Variants in ANKRD13C observed in about 807,000 individuals in gnomAD.
ANKRD13C encodes ankyrin repeat domain-containing protein 13C.
Under a neutral mutation model 65.5 loss-of-function variants are expected in ANKRD13C, and 16 were observed. That is an observed-to-expected ratio of 0.24 (90% CI 0.17 to 0.37). The LOEUF (loss-of-function observed/expected upper bound fraction) is 0.37, where lower values mean the gene tolerates loss of function less well. Among genes scored for constraint, ANKRD13C ranks in the 10% least tolerant of loss-of-function variants. The probability of loss-of-function intolerance (pLI) is 1.00; values close to 1 mark genes in which losing one functional copy is unlikely to be tolerated. For missense variants in ANKRD13C, 503 were observed against 655.9 expected (o/e 0.77, Z 2.55); for synonymous variants, 235 against 238.7 (o/e 0.98, Z 0.14).
intron 2 of ANKRD13C, among the ~76,000 whole-genome samples, chr1:70,335,038 C>G (rs1320971760): frequency 1.3e-5 from 2 of 152,022 alleles, no homozygotes; most frequent in Non-Finnish European, 2.9e-5. Flanking sequence ...CATAATGATA[C>G]TTCTAGATCA....
At chr1:70,315,076 T>A (rs1681017805) in intron 4 of ANKRD13C, among the ~76,000 whole-genome samples, 1 of 152,008 alleles carries the variant, frequency 6.6e-6, no homozygotes, top group South Asian at 2.1e-4. Context: ...CCATCTCTAC[T>A]AAAAATACAA....
chr1:70,310,419 G>A (rs1054187872), intron 5 of ANKRD13C, among the ~76,000 whole-genome samples: 3 of 152,114 alleles, frequency 2.0e-5, no homozygotes, highest in African/African-American at 4.8e-5. Context: ...TAATCATCAC[G>A]TATTAATAGT....
chr1:70,291,202 G>A (rs1193892421), intron 9 of ANKRD13C, among the ~76,000 whole-genome samples: 2 of 151,868 alleles, frequency 1.3e-5, no homozygotes, highest in African/African-American at 2.4e-5. Flanking sequence ...AGCTAATTTT[G>A]TAGAGGCGGG....
chr1:70,340,500 A>C (rs138319579), intron 1 of ANKRD13C, among the ~76,000 whole-genome samples: 70 of 152,248 alleles, frequency 4.6e-4, no homozygotes, highest in East Asian at 1.5e-3. Flanking sequence ...GCAAAAAAAA[A>C]CTTTTTATTC....
At chr1:70,327,807 G>C (rs1681605229) in intron 2 of ANKRD13C, among the ~76,000 whole-genome samples, 1 of 152,054 alleles carries the variant, frequency 6.6e-6, no homozygotes, top group Non-Finnish European at 1.5e-5. Context: ...GCTCATGCCT[G>C]TAATCCCTAC....
intron 3 of ANKRD13C, among the ~76,000 whole-genome samples, chr1:70,317,496 T>C (rs1337249531): frequency 1.3e-5 from 2 of 152,174 alleles, no homozygotes; most frequent in East Asian, 1.9e-4. Flanking sequence ...CAAAAGACAG[T>C]AGTTATCGTT....
intron 1 of ANKRD13C, among the ~76,000 whole-genome samples, chr1:70,336,431 T>G (rs1352984673): frequency 1.3e-5 from 2 of 152,174 alleles, no homozygotes; most frequent in Admixed American, 6.6e-5. Flanking sequence ...TAGTCATCCT[T>G]GGGGACAAAA....
intron 12 of ANKRD13C, among the ~76,000 whole-genome samples, chr1:70,269,387 T>C (rs1244244442): frequency 1.3e-5 from 2 of 152,226 alleles, no homozygotes; most frequent in Non-Finnish European, 2.9e-5. Flanking sequence ...TAAAAATAGA[T>C]GTGAATACAG....
chr1:70,315,507 G>T lies in ANKRD13C; in HGVS notation c.637C>A (p.Pro213Thr). The T allele has an allele frequency of 6.2e-7, 1 of 1,605,264 alleles. No homozygotes were observed. Among genetic ancestry groups the T allele is most frequent in the Non-Finnish European group, 8.5e-7 (1 of 1,174,856 alleles). Residue 213 changes from proline to threonine, a missense_variant, in exon 4 of 13, where the codon CCT (proline) becomes ACT (threonine). By Grantham distance (38) the Pro-to-Thr change is conservative. This residue lies in a region of ANKRD13C where 300 missense variants were observed against 478.3 expected (regional missense o/e 0.63). Coordinates refer to ENST00000370944, the MANE Select transcript of ANKRD13C (RefSeq NM_030816.5). Reference sequence around the variant, plus strand: ...TCTTTCAGGGCTTTTAATAATCGAGGTCGTTTTTCTTCAACACTTTCCCTG... The same window carrying T: ...TCTTTCAGGGCTTTTAATAATCGAGTTCGTTTTTCTTCAACACTTTCCCTG... ...QSRESVEEKR[P>T]RLLKALKELG...
intron 7 of ANKRD13C, among the ~76,000 whole-genome samples, chr1:70,300,053 C>T (rs1680279743): frequency 6.6e-6 from 1 of 152,094 alleles, no homozygotes; most frequent in South Asian, 2.1e-4. Context: ...AAAAGTAAGA[C>T]TGCAGACAGA....
chr1:70,353,889 G>A, intron 1 of ANKRD13C, 90 bp downstream of exon 1: 1 of 1,413,220 alleles, frequency 7.1e-7, no homozygotes, highest in South Asian at 1.7e-5. Flanking sequence ...AGAAGAGTCT[G>A]CTGGAGGGGG....
intron 1 of ANKRD13C, among the ~76,000 whole-genome samples, chr1:70,337,361 C>A (rs908158225): frequency 6.6e-6 from 1 of 152,058 alleles, no homozygotes; most frequent in African/African-American, 2.4e-5. Flanking sequence ...AGGCAGATCA[C>A]CCGAGGTCAA....
intron 9 of ANKRD13C, among the ~76,000 whole-genome samples, chr1:70,289,803 G>A (rs983068153): frequency 4.6e-5 from 7 of 151,986 alleles, no homozygotes; most frequent in African/African-American, 1.7e-4. Context: ...TAAAAAAGTA[G>A]CATTAACCAC....
At chr1:70,295,375 G>A (rs1340609336) in intron 8 of ANKRD13C, among the ~76,000 whole-genome samples, 2 of 151,950 alleles carry the variant, frequency 1.3e-5, no homozygotes, top group African/African-American at 2.4e-5. Context: ...AGCCTTCCGA[G>A]TAGCTGGGAT....
Position 70,327,244 on chromosome 1 carries a change from G to A in ANKRD13C, c.473-2287C>T, listed in dbSNP as rs72929286. Among the ~76,000 whole-genome samples the A allele has an allele frequency of 5.3e-3, 814 of 152,256 alleles. 10 individuals are homozygous for A. Among genetic ancestry groups the A allele is most frequent in the African/African-American group, 0.019 (784 of 41,548 alleles). On this transcript the variant is annotated intron_variant, in intron 2 of 12. Transcript: ENST00000370944. ...ATCTGATATTGTGTGTTTCCAATGT[G>A]ATATATGTAAAGTTCCTAATATCAC...
chr1:70,283,588 G>A (rs886477973), intron 9 of ANKRD13C, among the ~76,000 whole-genome samples: 7 of 151,968 alleles, frequency 4.6e-5, no homozygotes, highest in African/African-American at 7.3e-5. Flanking sequence ...AGGTCGAGGC[G>A]GGTGGATCCT....
At chr1:70,332,846 T>C (rs1681871876) in intron 2 of ANKRD13C, among the ~76,000 whole-genome samples, 2 of 152,076 alleles carry the variant, frequency 1.3e-5, no homozygotes, top group Admixed American at 1.3e-4. Context: ...ATACCCTCTG[T>C]GAGAATATAC....
chr1:70,334,887 TA>T (rs1181190768), intron 2 of ANKRD13C, among the ~76,000 whole-genome samples: 1 of 151,654 alleles, frequency 6.6e-6, no homozygotes, highest in Non-Finnish European at 1.5e-5. Context: ...GCCTAGGCAA[TA>T]AGAGTGAAAT....
At chr1:70,320,271 G>A (rs1681248553) in intron 3 of ANKRD13C, among the ~76,000 whole-genome samples, 1 of 152,114 alleles carries the variant, frequency 6.6e-6, no homozygotes. Context: ...AGAATTTTAT[G>A]TAGAGAATAA....
Sources: gnomAD v4.1 joint callset for allele counts (sites outside exome capture counted in the v4.1 genomes callset) on GRCh38, gnomAD v4.1.1 for gene constraint, gnomAD v4.1.1 regional missense constraint, MANE v1.5 for transcripts, NCBI Gene and HGNC (gene_info 2026-07-23, HGNC 2026-07-21) for gene names.